TTN: variants seen among roughly 807,000 people sequenced by gnomAD.
TTN encodes the protein connectin.
In TTN, 1,525 loss-of-function variants were observed where a neutral mutation model predicts 3,223.0. That is an observed-to-expected ratio of 0.47 (90% CI 0.45 to 0.49). The LOEUF (loss-of-function observed/expected upper bound fraction) is 0.49, where lower values mean the gene tolerates loss of function less well. Among genes scored for constraint, TTN ranks in the 20% least tolerant of loss-of-function variants. The pLI, the probability that TTN is intolerant of heterozygous loss-of-function variation, is 0.00. For synonymous variants in TTN, 14,094 were observed against 15,161.0 expected (o/e 0.93, Z 5.17); for missense variants, 40,786 against 43,424.0 (o/e 0.94, Z 5.40).
At chr2:178,747,275 G>T in intron 47 of TTN, 1 of 1,613,246 alleles carries the variant, frequency 6.2e-7, no homozygotes, top group Non-Finnish European at 8.5e-7. Flanking sequence ...ACCTTCGGAA[G>T]GTGTTGAATA....
At chr2:178,766,071 T>C (rs888945973) in intron 41 of TTN, among the ~76,000 whole-genome samples, 1 of 152,092 alleles carries the variant, frequency 6.6e-6, no homozygotes, top group Non-Finnish European at 1.5e-5. Flanking sequence ...AGAACTAAAA[T>C]AGTTTAACAG....
Position 178,692,543 on chromosome 2 carries a change from C to A in TTN, c.31632G>T (p.Val10544=). The stretch of plus-strand genomic sequence containing the variant: ...CTTTTTTAGGGATAGGAACAGGGGC[C>A]ACTTCTTCTGGAGCTGGTTTCTCAG... The part of the protein sequence containing the change: ...ELPEKPAPEE[V]APVPIPKKVE... Residue 10544 remains valine, a synonymous_variant, in exon 120 of 363, where the codon GTG becomes GTT. Coordinates refer to ENST00000589042, the MANE Select transcript of TTN (RefSeq NM_001267550.2). The A allele has an allele frequency of 6.3e-7, 1 of 1,578,026 alleles. No homozygotes were observed. The highest frequency in any genetic ancestry group is 8.6e-7 in the Non-Finnish European group (1 of 1,163,258).
chr2:178,680,174 A>T (rs1369835979), intron 139 of TTN, 80 bp downstream of exon 139: 1 of 1,583,126 alleles, frequency 6.3e-7, no homozygotes, highest in East Asian at 2.2e-5. Flanking sequence ...TTCCCACAAA[A>T]GAAGTTTTCA....
At chr2:178,754,526 A>G (rs1367930598) in intron 46 of TTN, among the ~76,000 whole-genome samples, 1 of 152,172 alleles carries the variant, frequency 6.6e-6, no homozygotes. Flanking sequence ...ACACCGCACT[A>G]TAGCACTAGA....
rs1305429779 is a variant in TTN at position 178,533,672 on chromosome 2, G to C, written c.102943C>G (p.Leu34315Val). Residue 34315 changes from leucine (L) to valine (V), a missense_variant, in exon 358 of 363, where the codon CTT becomes GTT. Physicochemically the swap from Leu to Val is conservative, Grantham distance 32. Transcript: ENST00000589042. ...ACACTGTTGATTGTTAATTGGTAAA[G>C]ACCCTTGTCTGACTCAAATGTGTAC... The part of the protein sequence containing the change: ...KKYTFESDKG[L>V]YQLTINSVTT... 6.2e-7 allele frequency: 1 copy of C among 1,613,916 alleles called. No individual in the cohort carries two copies.
At position 178,559,461 on chromosome 2, in the gene TTN, C is replaced by A. The variant is rs535801518; in HGVS notation, c.86671G>T (p.Ala28891Ser). 41 of 1,613,618 alleles carry A rather than the reference C, an allele frequency of 2.5e-5. No homozygotes were observed. The highest frequency in any genetic ancestry group is 3.4e-5 in the Non-Finnish European group (40 of 1,179,738). Residue 28891 changes from alanine to serine, a missense_variant, in exon 326 of 363, where the codon GCA becomes TCA. Transcript: ENST00000589042. Reference sequence around the variant, plus strand: ...CAGTTGTTGGTCACAGAGACCCATGCTTTCTTGCTGGCCTCACGTTTTTCT... The same window carrying A: ...CAGTTGTTGGTCACAGAGACCCATGATTTCTTGCTGGCCTCACGTTTTTCT... ...HIEKREASKKAWVSVTNNCNR... is the reference protein window; with the variant it reads ...HIEKREASKKSWVSVTNNCNR...
At chr2:178,730,427 A>G in intron 61 of TTN, 56 bp from the exon 62 acceptor site, 2 of 1,551,996 alleles carry the variant, frequency 1.3e-6, no homozygotes, top group Non-Finnish European at 1.7e-6. Context: ...TTTATAACTT[A>G]GCAATAAAGG....
Position 178,672,194 on chromosome 2 carries a change from T to G in TTN, c.35004A>C (p.Leu11668Phe). The change falls in exon 155 of 363, where the codon TTA (leucine) becomes TTC (phenylalanine). Residue 11668 changes from leucine (L) to phenylalanine (F), a missense_variant. By Grantham distance (22) the Leu-to-Phe change is conservative (BLOSUM62 0). Coordinates refer to ENST00000589042, the MANE Select transcript of TTN (RefSeq NM_001267550.2). ...CTTCCACTTCTGCTTCTACTACTTC[T>G]AATTCTAGTCTTTCTTTTACTACTA... is the stretch of plus-strand genomic sequence containing the variant. ...QEVVVKERLE[L>F]EVVEAEVEEI... 1 of 1,570,882 alleles carries G rather than the reference T, an allele frequency of 6.4e-7. No individual in the cohort carries two copies. The highest frequency in any genetic ancestry group is 2.4e-5 in the East Asian group (1 of 42,272).
Position 178,654,153 on chromosome 2 carries a change from A to G in TTN, c.38380+55T>C, listed in dbSNP as rs192859964. 2.1e-4 allele frequency: 333 copies of G among 1,591,368 alleles called. 4 individuals carry two copies. The African/African-American group carries it at 4.2e-3, about 20-fold the overall frequency. On this transcript the variant is annotated intron_variant, in intron 193 of 362. Transcript: ENST00000589042. ...AATGGCGAAGGTATATATTACAGTG[A>G]TTGTGAGGGGTACAGACAGTAAGTT...
rs957042580 is a variant in TTN, at chr2:178,570,694, T to C, written c.75438A>G (p.Ile25146Met). 6.2e-7 allele frequency: 1 copy of C among 1,613,576 alleles called. No individual in the cohort carries two copies. The highest frequency in any genetic ancestry group is 8.5e-7 in the Non-Finnish European group (1 of 1,179,604). The change falls in exon 326 of 363, where the codon ATA becomes ATG. Residue 25146 changes from isoleucine (I) to methionine (M), a missense_variant. By Grantham distance (10) the Ile-to-Met change is conservative. Coordinates refer to ENST00000589042, the MANE Select transcript of TTN (RefSeq NM_001267550.2). Reference sequence around the variant, plus strand: ...TGTTTGAAAGCTCCTGATCACCTTTTATCCACTGAATGGTTGGTATTGGTT... The same window carrying C: ...TGTTTGAAAGCTCCTGATCACCTTTCATCCACTGAATGGTTGGTATTGGTT... Reference protein sequence around the residue: ...YGKPIPTIQWIKGDQELSNTA... With the variant: ...YGKPIPTIQWMKGDQELSNTA...
In TTN at chr2:178,593,746, C is replaced by A; in HGVS notation, c.58554G>T (p.Glu19518Asp). ...AGACGTCTTTACCCACTTCCTTCTT[C>A]TCAATAATATAATTGGTGATTTTAC... is the stretch of plus-strand genomic sequence containing the variant. ...GGSKITNYII[E>D]KKEVGKDVWM... The change falls in exon 298 of 363, where the codon GAG becomes GAT. Residue 19518 changes from glutamate to aspartate, a missense_variant. Coordinates refer to ENST00000589042, the MANE Select transcript of TTN (RefSeq NM_001267550.2). 1.1e-5 allele frequency: 17 copies of A among 1,613,294 alleles called. No homozygotes were observed. The highest frequency in any genetic ancestry group is 1.4e-5 in the Non-Finnish European group (17 of 1,179,624).
chr2:178,543,138 C>T lies in TTN; in HGVS notation c.96835G>A (p.Ala32279Thr). ...TCTGACACACCTTTCTCATTTTGTG[C>T]CCTTATTCTAAATAAGTATTGTTCA... ...EGEQYLFRIR[A>T]QNEKGVSEPR... Residue 32279 changes from alanine (A) to threonine (T), a missense_variant, in exon 347 of 363, where the codon GCA becomes ACA. By Grantham distance (58) the Ala-to-Thr change is moderately conservative. Coordinates refer to ENST00000589042, the MANE Select transcript of TTN (RefSeq NM_001267550.2). 5 of 1,611,816 alleles carry T rather than the reference C, an allele frequency of 3.1e-6. No homozygotes were observed. Among genetic ancestry groups the T allele is most frequent in the Non-Finnish European group, 4.2e-6 (5 of 1,178,590 alleles).
In TTN at chr2:178,779,423, C is replaced by A; in HGVS notation, c.3769G>T (p.Glu1257Ter). 1.9e-6 allele frequency: 3 copies of A among 1,573,398 alleles called. No homozygotes were observed. Among genetic ancestry groups the A allele is most frequent in the East Asian group, 2.3e-5 (1 of 44,232 alleles). ...GTCTTTATTATTCTATATTCAATTT[C>A]TTTAATAAGTCTCTCTTCAAAGGAA... is the stretch of plus-strand genomic sequence containing the variant. ...ISSFEERLIK[E>*]IEYRIIKTTL... Residue 1257 changes from glutamate (E) to a stop codon, truncating the protein, a stop_gained, in exon 23 of 363, where the codon GAA becomes TAA. Transcript: ENST00000589042. LOFTEE classifies it high-confidence loss of function.
At position 178,733,784 on chromosome 2, in the gene TTN, A is replaced by T. The variant is rs764755768; in HGVS notation, c.15605T>A (p.Met5202Lys). 6 of 1,613,640 alleles carry T rather than the reference A, an allele frequency of 3.7e-6. No homozygotes were observed. Reference protein sequence around the residue: ...RGSEPISVTWMKGQEVIREDG... With the variant: ...RGSEPISVTWKKGQEVIREDG... The stretch of plus-strand genomic sequence containing the variant: ...TTCTCTGATGACCTCTTGACCTTTC[A>T]TCCATGTGACAGAAATGGGCTCTGA... The change falls in exon 53 of 363, where the codon ATG becomes AAG. Residue 5202 changes from methionine to lysine, a missense_variant. Physicochemically the swap from Met to Lys is moderately conservative, Grantham distance 95. Transcript: ENST00000589042.
In TTN at chr2:178,541,347, A is replaced by T. The variant is rs1369862487; in HGVS notation, c.97730T>A (p.Ile32577Asn). 2 of 1,586,994 alleles carry T rather than the reference A, an allele frequency of 1.3e-6. No individual in the cohort carries two copies. The highest frequency in any genetic ancestry group is 3.5e-5 in the Admixed American group (2 of 56,376). Residue 32577 changes from isoleucine to asparagine, a missense_variant, in exon 350 of 363, where the codon ATT (isoleucine) becomes AAT (asparagine). Coordinates refer to ENST00000589042, the MANE Select transcript of TTN (RefSeq NM_001267550.2). ...TGGTTTCCCAGACCCTCTTGCATTA[A>T]TGGCTGTGACACGGTGTTCATATTC... is the stretch of plus-strand genomic sequence containing the variant. ...GLEYEHRVTA[I>N]NARGSGKPSR...
In TTN at chr2:178,782,267, G is replaced by A. The variant is rs375285782; in HGVS notation, c.3325C>T (p.Pro1109Ser). ...VVFGCQVGGNPKPHVYWKKSG... is the reference protein window; with the variant it reads ...VVFGCQVGGNSKPHVYWKKSG... ...TTTTTCCAGTATACATGGGGCTTTG[G>A]GTTGCCGCCAACTTGGCATCCAAAC... The change falls in exon 20 of 363, where the codon CCA (proline) becomes TCA (serine). Residue 1109 changes from proline to serine, a missense_variant. By Grantham distance (74) the Pro-to-Ser change is moderately conservative. Transcript: ENST00000589042. 10 of 1,614,058 alleles carry A rather than the reference G, an allele frequency of 6.2e-6. No individual in the cohort carries two copies. Among genetic ancestry groups the A allele is most frequent in the Non-Finnish European group, 8.5e-6 (10 of 1,179,990 alleles).
chr2:178,740,217 A>G lies in TTN; in HGVS notation c.13016T>C (p.Val4339Ala). 1 of 1,613,688 alleles carries G rather than the reference A, an allele frequency of 6.2e-7. No individual in the cohort carries two copies. Among genetic ancestry groups the G allele is most frequent in the Non-Finnish European group, 8.5e-7 (1 of 1,179,796 alleles). ...RFPLALEEKQ[V>A]LLKEEHSDNV... ...GTCAGAATGCTCTTCTTTGAGCAGT[A>G]CCTGCTTTTCTTCAAGTGCTAGTGG... Residue 4339 changes from valine (V) to alanine (A), a missense_variant, in exon 48 of 363, where the codon GTA becomes GCA. Val to Ala is a moderately conservative substitution (Grantham distance 64, BLOSUM62 0). Coordinates refer to ENST00000589042, the MANE Select transcript of TTN (RefSeq NM_001267550.2).
chr2:178,663,722 T>G lies in TTN; in HGVS notation c.36449-12A>C, dbSNP rs2065229924. 6.2e-7 allele frequency: 1 copy of G among 1,612,600 alleles called. No individual in the cohort carries two copies. The highest frequency in any genetic ancestry group is 8.5e-7 in the Non-Finnish European group (1 of 1,179,578). On this transcript the variant is annotated splice_polypyrimidine_tract_variant and intron_variant, in intron 170 of 362. Coordinates refer to ENST00000589042, the MANE Select transcript of TTN (RefSeq NM_001267550.2). The stretch of plus-strand genomic sequence containing the variant: ...GGGAGGCTCTGGTACTTAAAAGATA[T>G]TAGCAAAATTACATTCAGAAGTTAT...
At chr2:178,668,058 C>G (rs2066290042) in intron 159 of TTN, among the ~76,000 whole-genome samples, 1 of 152,242 alleles carries the variant, frequency 6.6e-6, no homozygotes, top group Admixed American at 6.5e-5. Context: ...AGGGAAGATG[C>G]TGAATTGCAC....
Sources: allele counts gnomAD v4.1 joint callset (sites outside exome capture counted in the v4.1 genomes callset), GRCh38; gene constraint gnomAD v4.1.1; transcripts MANE v1.5; gene names NCBI Gene and HGNC (gene_info 2026-07-23, HGNC 2026-07-21).